DHX40: variants seen among roughly 807,000 people sequenced by gnomAD.
The protein encoded by DHX40 is probable ATP-dependent RNA helicase DHX40.
A neutral mutation model predicts 89.6 loss-of-function variants in DHX40; 28 were observed. The ratio of observed to expected loss-of-function variants is 0.31; its 90% CI spans 0.23 to 0.43. The LOEUF (loss-of-function observed/expected upper bound fraction) is 0.43. Ranked by LOEUF, DHX40 falls within the 20% of genes least tolerant of loss-of-function variation. DHX40 has a pLI of 1.00. For missense variants in DHX40, 457 were observed against 844.0 expected, an observed-to-expected ratio of 0.54 and a Z score of 5.68; for synonymous variants, 226 against 283.6, an observed-to-expected ratio of 0.80 and a Z score of 2.04.
Position 59,573,239 on chromosome 17 carries a change from A to G in DHX40, c.546+4A>G. The G allele has an allele frequency of 6.3e-7, 1 of 1,593,476 alleles. No individual in the cohort carries two copies. The highest frequency in any genetic ancestry group is 8.5e-7 in the Non-Finnish European group (1 of 1,173,520). On this transcript the variant is annotated splice_donor_region_variant and intron_variant, in intron 4 of 17. Transcript: ENST00000251241. ...CCATGAAAGAACTCTAACTACAGTGAGTATTTTAATTTATTATTATTTTTT... is the reference window on the plus strand; with the variant it reads ...CCATGAAAGAACTCTAACTACAGTGGGTATTTTAATTTATTATTATTTTTT...
chr17:59,577,293 C>T lies in DHX40; in HGVS notation c.1001C>T (p.Pro334Leu). 6.2e-7 allele frequency: 1 copy of T among 1,613,758 alleles called. No homozygotes were observed. Among genetic ancestry groups the T allele is most frequent in the Non-Finnish European group, 8.5e-7 (1 of 1,179,788 alleles). Residue 334 changes from proline to leucine, a missense_variant, in exon 8 of 18, where the codon CCA (proline) becomes CTA (leucine). Pro to Leu is a moderately conservative substitution (Grantham distance 98). Around this residue, in one of 9 missense-constraint regions of DHX40, gnomAD observed 116 missense variants for 188.9 expected, o/e 0.61. Coordinates refer to ENST00000251241, the MANE Select transcript of DHX40 (RefSeq NM_024612.5). ...TDQQRRIFLP[P>L]PPGIRKCVIS... ...CAACAGAGGAGGATATTTTTGCCAC[C>T]ACCACCTGGAATTAGAAAATGTGTC...
At chr17:59,574,846 A>G (rs2048858941) in intron 6 of DHX40, among the ~76,000 whole-genome samples, 1 of 152,082 alleles carries the variant, frequency 6.6e-6, no homozygotes, top group African/African-American at 2.4e-5. Context: ...GGAGATCAAA[A>G]ATAAAATAGT....
chr17:59,566,150 G>A (rs922878322), intron 1 of DHX40, among the ~76,000 whole-genome samples: 1 of 152,130 alleles, frequency 6.6e-6, no homozygotes, highest in Non-Finnish European at 1.5e-5. Flanking sequence ...GTTTCCAGGA[G>A]CCAGTTTCCA....
chr17:59,587,024 A>G (rs544398332), intron 11 of DHX40, among the ~76,000 whole-genome samples: 48 of 152,030 alleles, frequency 3.2e-4, no homozygotes, highest in Non-Finnish European at 5.6e-4. Flanking sequence ...GTGTTGGCAC[A>G]TGCCAGTAGT....
intron 3 of DHX40, among the ~76,000 whole-genome samples, chr17:59,572,188 T>A (rs2048819276): frequency 6.6e-6 from 1 of 152,162 alleles, no homozygotes; most frequent in Non-Finnish European, 1.5e-5. Flanking sequence ...TACAAAACGA[T>A]CCCTGGTTTA....
At position 59,565,755 on chromosome 17, in the gene DHX40, G is replaced by T; in HGVS notation, c.84G>T (p.Arg28=). ...GERSRDLQEE[R]LSAVCIADRE... ...GGTCAAGAGACCTCCAGGAAGAGCG[G>T]CTCTCGGCTGTTTGCATCGCCGATA... Residue 28 remains arginine, a synonymous_variant, in exon 1 of 18, where the codon CGG becomes CGT. Coordinates refer to ENST00000251241, the MANE Select transcript of DHX40 (RefSeq NM_024612.5). 1 of 1,604,728 alleles carries T rather than the reference G, an allele frequency of 6.2e-7. No homozygotes were observed.
intron 2 of DHX40, among the ~76,000 whole-genome samples, chr17:59,567,674 C>G (rs1411174775): frequency 1.3e-5 from 2 of 152,172 alleles, no homozygotes; most frequent in South Asian, 2.1e-4. Flanking sequence ...CGCCTGTAAT[C>G]CCAGCACTTT....
chr17:59,570,084 A>AT (rs1567857814), intron 2 of DHX40, among the ~76,000 whole-genome samples: 2 of 131,720 alleles, frequency 1.5e-5, no homozygotes, highest in African/African-American at 2.9e-5. Flanking sequence ...GTATATTTAT[A>AT]TATAATATAT....
At chr17:59,576,728 A>G (rs559065336) in intron 7 of DHX40, among the ~76,000 whole-genome samples, 6 of 152,326 alleles carry the variant, frequency 3.9e-5, no homozygotes, top group African/African-American at 9.6e-5. Context: ...TGAAACTGAT[A>G]AAAACCCATT....
chr17:59,589,245 G>A (rs1378215459), intron 12 of DHX40, among the ~76,000 whole-genome samples: 1 of 104,460 alleles, frequency 9.6e-6, no homozygotes, highest in African/African-American at 4.0e-5. Context: ...TTTTTGAGAT[G>A]GAGTCTTGCT....
chr17:59,585,512 C>G (rs1197034423), intron 10 of DHX40, among the ~76,000 whole-genome samples: 1 of 151,220 alleles, frequency 6.6e-6, no homozygotes, highest in African/African-American at 2.5e-5. Context: ...TGCTTAAGCA[C>G]AGGAGTTCAA....
At chr17:59,605,798 G>C (rs776543334) in intron 17 of DHX40, 124 bp downstream of exon 17, 1 of 943,696 alleles carries the variant, frequency 1.1e-6, no homozygotes, top group Non-Finnish European at 1.7e-6. Context: ...CCCATCTCTA[G>C]CAAAATAAAA....
At chr17:59,588,454 A>G (rs1446096446) in intron 12 of DHX40, among the ~76,000 whole-genome samples, 1 of 151,354 alleles carries the variant, frequency 6.6e-6, no homozygotes, top group Non-Finnish European at 1.5e-5. Context: ...TTTGTGTTAT[A>G]TGGTTTTAGC....
chr17:59,595,335 G>A (rs1276872031), intron 12 of DHX40, among the ~76,000 whole-genome samples: 5 of 151,966 alleles, frequency 3.3e-5, no homozygotes, highest in Admixed American at 1.3e-4. Context: ...CTCCTGCCTC[G>A]GCCTCCCAAC....
At chr17:59,586,303 C>T in intron 11 of DHX40, 70 bp downstream of exon 11, 1 of 1,145,130 alleles carries the variant, frequency 8.7e-7, no homozygotes, top group Non-Finnish European at 1.2e-6. Context: ...CTCTAAATAC[C>T]TTTCTCTAAC....
chr17:59,607,375 T>G lies in DHX40; in HGVS notation c.*203T>G. 1 of 978,402 alleles carries G rather than the reference T, an allele frequency of 1.0e-6. No individual in the cohort carries two copies. The highest frequency in any genetic ancestry group is 2.6e-5 in the East Asian group (1 of 38,314). 60.6% of individuals were successfully genotyped at this position (978,402 alleles called of 1,614,324 possible). ...TGTCAAAGAAAAGATTTGGTTGCCA[T>G]AGTCATAAGCAATGATACATGAAAC... On this transcript the variant is annotated 3_prime_UTR_variant, in exon 18 of 18. Coordinates refer to ENST00000251241, the MANE Select transcript of DHX40 (RefSeq NM_024612.5).
rs560294087 is a variant in DHX40 at position 59,575,558 on chromosome 17, A to C, written c.973+87A>C. ...GTTTACAGAAAAGCAGTCAGATCTTAAGTGCTTAGGTAAGTTTCACAAACC... is the reference window on the plus strand; with the variant it reads ...GTTTACAGAAAAGCAGTCAGATCTTCAGTGCTTAGGTAAGTTTCACAAACC... On this transcript the variant is annotated intron_variant, in intron 7 of 17. Transcript: ENST00000251241. 26 of 1,351,794 alleles carry C rather than the reference A, an allele frequency of 1.9e-5. No homozygotes were observed. In the East Asian group the frequency reaches 5.9e-4, roughly 31 times the overall value. The allele number at this position is 1,351,794 out of a possible 1,614,324, so 83.7% of individuals were successfully genotyped here.
chr17:59,595,454 C>A (rs528388742), intron 12 of DHX40, among the ~76,000 whole-genome samples: 1 of 151,724 alleles, frequency 6.6e-6, no homozygotes, highest in South Asian at 2.1e-4. Flanking sequence ...CAGATGAACT[C>A]CGTAGCCTGG....
chr17:59,581,783 A>T (rs1193037038), intron 10 of DHX40, among the ~76,000 whole-genome samples: 1 of 123,020 alleles, frequency 8.1e-6, no homozygotes, highest in African/African-American at 3.7e-5. Flanking sequence ...AAACCAAAAA[A>T]AGCAAAAAAA....
Sources: gnomAD v4.1 joint callset for allele counts (sites outside exome capture counted in the v4.1 genomes callset) on GRCh38, gnomAD v4.1.1 for gene constraint, gnomAD v4.1.1 regional missense constraint, MANE v1.5 for transcripts, NCBI Gene and HGNC (gene_info 2026-07-23, HGNC 2026-07-21) for gene names.